Variants in CELF2 observed in about 807,000 individuals in gnomAD.
CELF2 encodes CUG triplet repeat RNA-binding protein 2.
Under a neutral mutation model 62.6 loss-of-function variants are expected in CELF2, and 8 were observed. The observed-to-expected ratio is 0.13, with a 90% CI of 0.07 to 0.23. The LOEUF is 0.23. Among genes scored for constraint, CELF2 ranks in the 10% least tolerant of loss-of-function variants. The pLI is 1.00. For synonymous variants in CELF2, 258 were observed against 250.0 expected (o/e 1.03, Z -0.30); for missense variants, 333 against 671.0 (o/e 0.50, Z 5.56).
chr10:10,777,431 C>T, the CELF2 span, among the ~76,000 whole-genome samples: 8 of 152,270 alleles, frequency 5.3e-5, no homozygotes, highest in South Asian at 2.1e-4. Flanking sequence ...ACAAGCTGTC[C>T]GAGCTGGCAT....
intron 1 of CELF2, among the ~76,000 whole-genome samples, chr10:11,132,144 G>A (rs2059724761): frequency 6.6e-6 from 1 of 152,188 alleles, no homozygotes; most frequent in Non-Finnish European, 1.5e-5. Flanking sequence ...CTTCCCTTAT[G>A]CGTTGTTTGT....
intron 1 of CELF2, among the ~76,000 whole-genome samples, chr10:11,086,799 T>C (rs891323861): frequency 5.3e-5 from 8 of 152,146 alleles, no homozygotes; most frequent in African/African-American, 1.9e-4. Context: ...TCCTGCATGG[T>C]TAGACCAAAA....
intron 1 of CELF2, among the ~76,000 whole-genome samples, chr10:11,034,826 T>C (rs1175208763): frequency 6.6e-6 from 1 of 152,104 alleles, no homozygotes; most frequent in Non-Finnish European, 1.5e-5. Context: ...CTCTGTAATT[T>C]ACCCGGGATT....
At chr10:11,275,194 CAAG>C in intron 8 of CELF2, 74 bp downstream of exon 8, 1 of 1,414,234 alleles carries the variant, frequency 7.1e-7, no homozygotes, top group African/African-American at 1.4e-5. Flanking sequence ...AGGGCAAAGA[CAAG>C]AAGCAGGGGA....
intron 1 of CELF2, among the ~76,000 whole-genome samples, chr10:10,871,956 C>T (rs369118084): frequency 1.3e-5 from 2 of 152,108 alleles, no homozygotes; most frequent in Admixed American, 6.5e-5. Context: ...TATTATCTTC[C>T]GTTGCCTATT....
chr10:11,323,425 A>AATAATAATAAT (rs2141058724), intron 11 of CELF2, among the ~76,000 whole-genome samples: 1 of 11,090 alleles, frequency 9.0e-5, no homozygotes, highest in East Asian at 3.6e-3. Flanking sequence ...GCAGAGCAAA[A>AATAATAATAAT]ATAATAATAA....
At chr10:10,693,262 G>A in the CELF2 span, among the ~76,000 whole-genome samples, 375 of 134,262 alleles carry the variant, frequency 2.8e-3, 1 homozygote, top group Non-Finnish European at 4.6e-3. Flanking sequence ...CATCTATTGA[G>A]ATAATCATGT....
the CELF2 span, among the ~76,000 whole-genome samples, chr10:10,592,541 G>A: frequency 2.0e-5 from 3 of 152,142 alleles, no homozygotes; most frequent in East Asian, 1.9e-4. Flanking sequence ...GGCTACTCAC[G>A]ACTTCCTTTG....
At chr10:10,594,270 CT>C in the CELF2 span, among the ~76,000 whole-genome samples, 8 of 152,288 alleles carry the variant, frequency 5.3e-5, no homozygotes, top group East Asian at 1.5e-3. Flanking sequence ...TTGCTTTCAA[CT>C]GGTACAGTTA....
chr10:10,533,013 G>A, the CELF2 span, among the ~76,000 whole-genome samples: 1 of 152,074 alleles, frequency 6.6e-6, no homozygotes, highest in South Asian at 2.1e-4. Flanking sequence ...TCTGAGTGCT[G>A]TCTCTGCAAA....
Position 11,178,702 on chromosome 10 carries a change from A to G in CELF2, c.271+13020A>G, listed in dbSNP as rs1217676856. Among the ~76,000 whole-genome samples, 2 of 152,182 alleles carry G rather than the reference A, an allele frequency of 1.3e-5. No homozygotes were observed. Among genetic ancestry groups the G allele is most frequent in the Non-Finnish European group, 2.9e-5 (2 of 68,030 alleles). ...AGAGTTTGATTGTTTAACCTAGACT[A>G]ATCAGTCTTTGGAGGGCCTGCCACA... On this transcript the variant is annotated intron_variant, in intron 2 of 12. Transcript: ENST00000633077. This position sits in a 1 kb window ranked among gnomAD's most constrained non-coding sequence, Gnocchi z 4.3.
chr10:10,616,515 G>A, the CELF2 span, among the ~76,000 whole-genome samples: 1 of 151,984 alleles, frequency 6.6e-6, no homozygotes, highest in South Asian at 2.1e-4. Flanking sequence ...ATCGTTGGAT[G>A]TATAAATGGG....
At chr10:10,792,077 A>AAAGGGAGGGAGGGAGGGAGGAAGGAGGG in the CELF2 span, among the ~76,000 whole-genome samples, 1 of 120,614 alleles carries the variant, frequency 8.3e-6, no homozygotes, top group African/African-American at 3.5e-5. Flanking sequence ...AGGAAGGAGG[A>AAAGGGAGGGAGGGAGGGAGGAAGGAGGG]AAGGGAGGGA....
chr10:11,235,549 G>A (rs2070883882), intron 3 of CELF2, among the ~76,000 whole-genome samples: 1 of 152,176 alleles, frequency 6.6e-6, no homozygotes, highest in Non-Finnish European at 1.5e-5. Flanking sequence ...AGAATAGAAG[G>A]TAGAAATCAA....
At chr10:10,774,431 G>T in the CELF2 span, among the ~76,000 whole-genome samples, 33 of 152,336 alleles carry the variant, frequency 2.2e-4, no homozygotes, top group South Asian at 6.8e-3. Flanking sequence ...GGAGGTGACT[G>T]GATCATGGGG....
chr10:11,168,152 C>G (rs1470951663), intron 2 of CELF2, among the ~76,000 whole-genome samples: 1 of 152,124 alleles, frequency 6.6e-6, no homozygotes, highest in Non-Finnish European at 1.5e-5. Flanking sequence ...TTTTTATACT[C>G]AGGTGTTTAG....
At chr10:10,865,549 A>T (rs2060301407) in intron 1 of CELF2, among the ~76,000 whole-genome samples, 1 of 152,212 alleles carries the variant, frequency 6.6e-6, no homozygotes, top group South Asian at 2.1e-4. Flanking sequence ...AGTCATTCTC[A>T]GTTTTTATTG....
chr10:11,110,152 T>C lies in CELF2; in HGVS notation c.75-55334T>C, dbSNP rs977530225. On this transcript the variant is annotated intron_variant, in intron 1 of 12. Coordinates refer to ENST00000633077, the MANE Select transcript of CELF2 (RefSeq NM_001326342.2). The surrounding 1 kb of genome is among the most constrained non-coding windows in gnomAD (Gnocchi z 4.0). The stretch of plus-strand genomic sequence containing the variant: ...GGCATGCTCCTGTAGTCCCAGCTAC[T>C]TGGGGAGGGGAGAGCAGCTGCTGAG... Among the ~76,000 whole-genome samples, 5 of 152,136 alleles carry C rather than the reference T, an allele frequency of 3.3e-5. No homozygotes were observed. The highest frequency in any genetic ancestry group is 1.2e-4 in the African/African-American group (5 of 41,420).
Position 11,222,490 on chromosome 10 carries a change from G to T in CELF2, c.354+4983G>T, listed in dbSNP as rs560384373. On this transcript the variant is annotated intron_variant, in intron 3 of 12. Coordinates refer to ENST00000633077, the MANE Select transcript of CELF2 (RefSeq NM_001326342.2). ...ATCATGGAAAACAACCGAAACATCT[G>T]TATGAACAGGTTTGAGTCCTCGAAG... is the stretch of plus-strand genomic sequence containing the variant. Among the ~76,000 whole-genome samples the T allele has an allele frequency of 3.2e-4, 48 of 152,324 alleles. 1 individual carries two copies. In the South Asian group the frequency reaches 9.1e-3, roughly 29 times the overall value.
Sources: gnomAD v4.1 joint callset for allele counts (sites outside exome capture counted in the v4.1 genomes callset) on GRCh38, gnomAD v4.1.1 for gene constraint, Gnocchi (gnomAD v3.1) non-coding constraint, MANE v1.5 for transcripts, NCBI Gene and HGNC (gene_info 2026-07-23, HGNC 2026-07-21) for gene names.